ZNF468: variants seen among roughly 807,000 people sequenced by gnomAD.
ZNF468 encodes the protein zinc finger protein 468.
ZNF468 carries 8 observed loss-of-function variants against 7.2 expected under a neutral mutation model. The ratio of observed to expected loss-of-function variants is 1.11; its 90% CI spans 0.65 to 2.01. The LOEUF is 2.01. Among genes scored for constraint, ZNF468 ranks in the 30% most tolerant of loss-of-function variants. The pLI is 0.00. For synonymous variants in ZNF468, 218 were observed against 214.4 expected (o/e 1.02, Z -0.15); for missense variants, 608 against 626.5 (o/e 0.97, Z 0.31).
intron 1 of ZNF468, among the ~76,000 whole-genome samples, chr19:52,857,008 C>T (rs1180187849): frequency 6.6e-6 from 1 of 152,006 alleles, no homozygotes; most frequent in Non-Finnish European, 1.5e-5. Context: ...CAAGAACACC[C>T]CGCGTCACAG....
intron 1 of ZNF468, 122 bp from the exon 2 acceptor site, chr19:52,854,467 A>G (rs1197473356): frequency 2.9e-6 from 3 of 1,032,588 alleles, no homozygotes; most frequent in Non-Finnish European, 1.4e-6. Context: ...CCCACTGCAC[A>G]ATGAACAAAA....
At chr19:52,857,258 A>G (rs1478980083) in intron 1 of ZNF468, among the ~76,000 whole-genome samples, 17 of 152,248 alleles carry the variant, frequency 1.1e-4, no homozygotes, top group Non-Finnish European at 1.8e-4. Flanking sequence ...ACAGGGTGGG[A>G]ATACACCTCT....
chr19:52,854,791 A>G (rs8102081), intron 1 of ZNF468, among the ~76,000 whole-genome samples: 41,616 of 151,772 alleles, frequency 0.27, 6,330 homozygotes, highest in South Asian at 0.38. Context: ...CTGAAAGGCC[A>G]AGGTGGGTGG....
rs1401555755 is a variant in ZNF468 at position 52,841,127 on chromosome 19, G to A, written c.1167C>T (p.Asp389=). The part of the protein sequence containing the change: ...GEKPYKCEEC[D]KVFSRKSHLE... ...GGTGTGATTTGCGACTGAAAACTTT[G>A]TCACACTCTTCACATTTGTAAGGTT... The change falls in exon 4 of 4, where the codon GAC becomes GAT. Residue 389 remains aspartate, a synonymous_variant. Transcript: ENST00000595646. The A allele has an allele frequency of 1.9e-6, 3 of 1,613,866 alleles. No homozygotes were observed. The highest frequency in any genetic ancestry group is 2.5e-6 in the Non-Finnish European group (3 of 1,179,932).
chr19:52,853,235 A>C (rs2063405439), intron 2 of ZNF468, among the ~76,000 whole-genome samples: 1 of 152,118 alleles, frequency 6.6e-6, no homozygotes, highest in African/African-American at 2.4e-5. Flanking sequence ...CAGAACTGAC[A>C]GGAGTGGCTC....
chr19:52,839,708 T>C lies in ZNF468; in HGVS notation c.*1017A>G, dbSNP rs150152355. 0.013 allele frequency: 6,828 copies of C among 534,966 alleles called. 272 individuals are homozygous for C. Among genetic ancestry groups the C allele is most frequent in the African/African-American group, 0.1 (5,370 of 52,114 alleles). The allele number at this position is 534,966 out of a possible 1,614,324, so 33.1% of individuals were successfully genotyped here. A position where few individuals can be genotyped will look rare whatever the true frequency, so the allele number is the denominator to read the frequency against. On this transcript the variant is annotated 3_prime_UTR_variant, in exon 4 of 4. Coordinates refer to ENST00000595646, the MANE Select transcript of ZNF468 (RefSeq NM_001008801.2). Reference sequence around the variant, plus strand: ...TGCCACAATCATCACACTTGTGAGGTTTCTCTCCTGTATGAATCCTCCTAT... The same window carrying C: ...TGCCACAATCATCACACTTGTGAGGCTTCTCTCCTGTATGAATCCTCCTAT...
chr19:52,840,601 G>A lies in ZNF468; in HGVS notation c.*124C>T, dbSNP rs1348344417. ...ATGAAGTCTATGGTGATGTGCAAAG[G>A]TTGCTTTTTGATTAAAAACCTTGCC... On this transcript the variant is annotated 3_prime_UTR_variant, in exon 4 of 4. Coordinates refer to ENST00000595646, the MANE Select transcript of ZNF468 (RefSeq NM_001008801.2). The A allele has an allele frequency of 1.4e-5, 21 of 1,487,190 alleles. 1 individual carries two copies. The highest frequency in any genetic ancestry group is 2.0e-5 in the Non-Finnish European group (21 of 1,066,682). 92.1% of individuals were successfully genotyped at this position (1,487,190 alleles called of 1,614,324 possible). A position where few individuals can be genotyped will look rare whatever the true frequency, so the allele number is the denominator to read the frequency against.
chr19:52,843,767 G>A (rs1008034951), intron 3 of ZNF468, among the ~76,000 whole-genome samples: 10 of 152,106 alleles, frequency 6.6e-5, no homozygotes, highest in Non-Finnish European at 8.8e-5. Flanking sequence ...TGAAATAGAT[G>A]TTAAGATCAC....
rs1289030414 is a variant in ZNF468 at position 52,842,170 on chromosome 19, A to G, written c.143-19T>C. 1.3e-6 allele frequency: 2 copies of G among 1,557,818 alleles called. No homozygotes were observed. Among genetic ancestry groups the G allele is most frequent in the African/African-American group, 2.7e-5 (2 of 72,914 alleles). ...GAGATATCTACAAAATTTAAACACC[A>G]ATAGGTTTCCAATTAAGTACAGACG... On this transcript the variant is annotated intron_variant, in intron 3 of 3. Coordinates refer to ENST00000595646, the MANE Select transcript of ZNF468 (RefSeq NM_001008801.2).
Position 52,841,285 on chromosome 19 carries a change from C to A in ZNF468, c.1009G>T (p.Ala337Ser). The A allele has an allele frequency of 3.7e-6, 6 of 1,610,418 alleles. No individual in the cohort carries two copies. Among genetic ancestry groups the A allele is most frequent in the Non-Finnish European group, 5.1e-6 (6 of 1,178,478 alleles). Residue 337 changes from alanine to serine, a missense_variant, in exon 4 of 4, where the codon GCA (alanine) becomes TCA (serine). Transcript: ENST00000595646. ...YKCKVCDEAF[A>S]YNSYLAKHTI... ...TGTTTTGCCAGATATGAATTATATG[C>A]GAAAGCCTCATCACAAACCTTACAT...
chr19:52,842,851 TG>T (rs1369335100), intron 3 of ZNF468, among the ~76,000 whole-genome samples: 9 of 127,378 alleles, frequency 7.1e-5, no homozygotes, highest in Non-Finnish European at 1.3e-4. Flanking sequence ...AGACATGGCA[TG>T]GTGGCTTGTG....
At chr19:52,850,425 A>C (rs900681259) in intron 2 of ZNF468, among the ~76,000 whole-genome samples, 2 of 152,186 alleles carry the variant, frequency 1.3e-5, no homozygotes, top group African/African-American at 4.8e-5. Context: ...TCATTCAGCC[A>C]ATTTCCAATG....
intron 2 of ZNF468, chr19:52,854,032 G>C (rs1381744721): frequency 6.7e-7 from 1 of 1,496,646 alleles, no homozygotes; most frequent in Admixed American, 2.2e-5. Flanking sequence ...TCCATGTCGG[G>C]GTGTGAGCCC....
chr19:52,840,388 T>C lies in ZNF468; in HGVS notation c.*337A>G, dbSNP rs535864634. ...GGTCTTGCCACACTCATTACACTTATAATGAGTTTCTCTCCAGTGTGAATT... is the reference window on the plus strand; with the variant it reads ...GGTCTTGCCACACTCATTACACTTACAATGAGTTTCTCTCCAGTGTGAATT... On this transcript the variant is annotated 3_prime_UTR_variant, in exon 4 of 4. Transcript: ENST00000595646. The C allele has an allele frequency of 1.7e-5, 9 of 533,892 alleles. No homozygotes were observed. The highest frequency in any genetic ancestry group is 1.1e-4 in the African/African-American group (6 of 52,338). The allele number at this position is 533,892 out of a possible 1,614,324, so 33.1% of individuals were successfully genotyped here.
Position 52,854,372 on chromosome 19 carries a change from C to T in ZNF468, c.-73-27G>A, listed in dbSNP as rs534998710. 11 of 1,585,956 alleles carry T rather than the reference C, an allele frequency of 6.9e-6. No individual in the cohort carries two copies. In the East Asian group the frequency reaches 1.1e-4, roughly 16 times the overall value. ...TGAATGTTAAAAATATGTTGTTTATCACTCAGAATCAACACACCCCCTCCC... is the reference window on the plus strand; with the variant it reads ...TGAATGTTAAAAATATGTTGTTTATTACTCAGAATCAACACACCCCCTCCC... On this transcript the variant is annotated intron_variant, in intron 1 of 3. Coordinates refer to ENST00000595646, the MANE Select transcript of ZNF468 (RefSeq NM_001008801.2).
intron 3 of ZNF468, among the ~76,000 whole-genome samples, chr19:52,846,216 A>C (rs1241695044): frequency 6.6e-6 from 1 of 152,022 alleles, no homozygotes; most frequent in Non-Finnish European, 1.5e-5. Flanking sequence ...TTTGCAGGTT[A>C]TGGATTTTTA....
intron 2 of ZNF468, among the ~76,000 whole-genome samples, chr19:52,850,755 C>T (rs1000778194): frequency 1.1e-4 from 17 of 151,528 alleles, no homozygotes; most frequent in South Asian, 2.1e-4. Context: ...AAAAATTAGC[C>T]GGGCGTGGTG....
rs1197647464 is a variant in ZNF468 at position 52,842,069 on chromosome 19, G to T, written c.225C>A (p.His75Gln). Residue 75 changes from histidine to glutamine, a missense_variant, in exon 4 of 4, where the codon CAC (histidine) becomes CAA (glutamine). His to Gln is a conservative substitution (Grantham distance 24). Coordinates refer to ENST00000595646, the MANE Select transcript of ZNF468 (RefSeq NM_001008801.2). ...CTCCAATGTGATGACTTGCTTGTCTGTGCAATGTCCCTGTGTGGATCACTT... is the reference window on the plus strand; with the variant it reads ...CTCCAATGTGATGACTTGCTTGTCTTTGCAATGTCCCTGTGTGGATCACTT... ...NTEVIHTGTLHRQASHHIGEF... is the reference protein window; with the variant it reads ...NTEVIHTGTLQRQASHHIGEF... The T allele has an allele frequency of 3.7e-6, 6 of 1,613,782 alleles. No individual in the cohort carries two copies. The highest frequency in any genetic ancestry group is 5.1e-6 in the Non-Finnish European group (6 of 1,179,940).
chr19:52,846,454 C>T (rs1201566462), intron 3 of ZNF468: 1 of 152,130 alleles, frequency 6.6e-6, no homozygotes, highest in Non-Finnish European at 1.5e-5. Context: ...CTCAACTCGG[C>T]CTCCGAAAGT....
Sources: allele counts gnomAD v4.1 joint callset (sites outside exome capture counted in the v4.1 genomes callset), GRCh38; gene constraint gnomAD v4.1.1; transcripts MANE v1.5; gene names NCBI Gene and HGNC (gene_info 2026-07-23, HGNC 2026-07-21).